The following CCDC158 variants were observed in gnomAD, a reference collection of about 807,000 sequenced individuals.
CCDC158 encodes the protein coiled-coil domain containing 158, also known as coiled-coil domain-containing protein 158.
CCDC158 carries 116 observed loss-of-function variants against 138.6 expected under a neutral mutation model. That is an observed-to-expected ratio of 0.84 (90% CI 0.72 to 0.98). The LOEUF is 0.98. CCDC158 is among the 50% of genes least tolerant of loss of function. CCDC158 has a pLI of 0.00. For missense variants in CCDC158, 1,265 were observed against 1,306.1 expected, an observed-to-expected ratio of 0.97 and a Z score of 0.48; for synonymous variants, 436 against 442.4, an observed-to-expected ratio of 0.99 and a Z score of 0.18.
Position 76,371,491 on chromosome 4 carries a change from T to A in CCDC158, c.1075A>T (p.Thr359Ser). ...TGATCACGCTCTGTCCGGGCTTCAG[T>A]TAGCTCTGAGTTGGCAAGGACTAAC... ...KQLVLANSEL[T>S]EARTERDQFS... The change falls in exon 10 of 25, where the codon ACT becomes TCT. Residue 359 changes from threonine (T) to serine (S), a missense_variant. Transcript: ENST00000682701. The A allele has an allele frequency of 6.2e-7, 1 of 1,614,176 alleles. No individual in the cohort carries two copies. The highest frequency in any genetic ancestry group is 8.5e-7 in the Non-Finnish European group (1 of 1,179,990).
At chr4:76,390,978 A>G (rs1417749154) in intron 4 of CCDC158, among the ~76,000 whole-genome samples, 2 of 152,080 alleles carry the variant, frequency 1.3e-5, no homozygotes, top group Admixed American at 6.5e-5. Context: ...ACCCAGATAT[A>G]TAAAGCAAAT....
chr4:76,361,083 T>A (rs899345626), intron 13 of CCDC158, among the ~76,000 whole-genome samples: 1 of 152,182 alleles, frequency 6.6e-6, no homozygotes, highest in Non-Finnish European at 1.5e-5. Context: ...GATCTGGTTG[T>A]TTCAAAGTGT....
At chr4:76,408,849 T>C (rs920916972) in intron 2 of CCDC158, among the ~76,000 whole-genome samples, 36 of 152,202 alleles carry the variant, frequency 2.4e-4, no homozygotes, top group Non-Finnish European at 2.2e-4. Flanking sequence ...CCAGCACCTG[T>C]TGTTTCCTGA....
intron 8 of CCDC158, among the ~76,000 whole-genome samples, chr4:76,381,008 T>G (rs1298492623): frequency 6.6e-6 from 1 of 152,216 alleles, no homozygotes; most frequent in East Asian, 1.9e-4. Context: ...AAGCAAGAGT[T>G]GAGGTTTGGA....
At chr4:76,408,262 G>A (rs1728996699) in intron 2 of CCDC158, among the ~76,000 whole-genome samples, 1 of 151,824 alleles carries the variant, frequency 6.6e-6, no homozygotes, top group Non-Finnish European at 1.5e-5. Context: ...ATGTACACAT[G>A]TGCTATGTTG....
chr4:76,347,665 C>A (rs531861021), intron 18 of CCDC158, among the ~76,000 whole-genome samples: 1 of 152,060 alleles, frequency 6.6e-6, no homozygotes, highest in East Asian at 1.9e-4. Flanking sequence ...ATGTAACAAA[C>A]CTGCACGTTC....
In CCDC158 at chr4:76,351,914, C is replaced by T. The variant is rs72862954; in HGVS notation, c.2446-102G>A. The T allele has an allele frequency of 5.8e-3, 4,018 of 691,362 alleles. 106 individuals carry two copies. In the African/African-American group the frequency reaches 0.06, roughly 10 times the overall value. 42.8% of individuals were successfully genotyped at this position (691,362 alleles called of 1,614,324 possible). A position where few individuals can be genotyped will look rare whatever the true frequency, so the allele number is the denominator to read the frequency against. Reference sequence around the variant, plus strand: ...GCTGCCATCTCTTCAAAAAATCTTCCTGCCCTTCTACCAAACTATATTACA... The same window carrying T: ...GCTGCCATCTCTTCAAAAAATCTTCTTGCCCTTCTACCAAACTATATTACA... On this transcript the variant is annotated intron_variant, in intron 16 of 24. Transcript: ENST00000682701.
rs571025726 is a variant in CCDC158, at chr4:76,376,418, CTTG to C, written c.1029+2869_1029+2871del. ...TGTATTATGTCCTTTGATATTTTTC[CTTG>C]TTGTTATTTGAATGGTATATACTGA... On this transcript the variant is annotated intron_variant, in intron 9 of 24. Coordinates refer to ENST00000682701, the MANE Select transcript of CCDC158 (RefSeq NM_001394954.1). Among the ~76,000 whole-genome samples, 421 of 152,060 alleles carry C rather than the reference CTTG, an allele frequency of 2.8e-3. 2 individuals carry two copies. Among genetic ancestry groups the C allele is most frequent in the African/African-American group, 9.2e-3 (382 of 41,464 alleles).
chr4:76,379,906 G>A (rs971270093), intron 8 of CCDC158, among the ~76,000 whole-genome samples: 1 of 152,058 alleles, frequency 6.6e-6, no homozygotes, highest in African/African-American at 2.4e-5. Flanking sequence ...TCTCATGATA[G>A]TGAGTTCTCA....
At chr4:76,413,294 T>G (rs13434626) in intron 1 of CCDC158, among the ~76,000 whole-genome samples, 4,416 of 151,712 alleles carry the variant, frequency 0.029, 211 homozygotes, top group African/African-American at 0.1. Context: ...GACAATATAG[T>G]GAGATCCCGT....
intron 14 of CCDC158, among the ~76,000 whole-genome samples, 153 bp from the exon 15 acceptor site, chr4:76,355,589 G>A (rs559398181): frequency 3.9e-5 from 6 of 152,170 alleles, no homozygotes; most frequent in Non-Finnish European, 7.3e-5. Flanking sequence ...AATGTCTTCG[G>A]TTTTTATAAT....
chr4:76,385,963 T>G (rs767773774), intron 4 of CCDC158, among the ~76,000 whole-genome samples: 3 of 152,224 alleles, frequency 2.0e-5, no homozygotes, highest in Non-Finnish European at 2.9e-5. Context: ...CACAGTATCT[T>G]CAAAAGATTG....
At chr4:76,331,488 G>A in intron 20 of CCDC158, 85 bp from the exon 21 acceptor site, 3 of 1,059,590 alleles carry the variant, frequency 2.8e-6, no homozygotes, top group Non-Finnish European at 4.4e-6. Flanking sequence ...GAAAAATAAT[G>A]TATTCTTATG....
At chr4:76,328,370 A>G (rs1720713703) in intron 22 of CCDC158, among the ~76,000 whole-genome samples, 1 of 152,246 alleles carries the variant, frequency 6.6e-6, no homozygotes, top group African/African-American at 2.4e-5. Context: ...GGGGTGACAC[A>G]GTATGTGAGA....
At chr4:76,380,565 A>G (rs1726136719) in intron 8 of CCDC158, among the ~76,000 whole-genome samples, 1 of 152,224 alleles carries the variant, frequency 6.6e-6, no homozygotes, top group Admixed American at 6.5e-5. Flanking sequence ...ATATATTTAC[A>G]AAGAGATGGT....
chr4:76,400,613 A>T (rs1311138662), intron 3 of CCDC158, among the ~76,000 whole-genome samples: 1 of 151,964 alleles, frequency 6.6e-6, no homozygotes, highest in Non-Finnish European at 1.5e-5. Flanking sequence ...CCCCCCAAAA[A>T]AAAGAATGGT....
rs77788163 is a variant in CCDC158, at chr4:76,369,411, T to G, written c.1347+15A>C. 2 of 1,612,514 alleles carry G rather than the reference T, an allele frequency of 1.2e-6. No individual in the cohort carries two copies. Among genetic ancestry groups the G allele is most frequent in the East Asian group, 4.5e-5 (2 of 44,866 alleles). ...GAGATTGTTTGGCGATGGCACAGCC[T>G]GTGCAGGCACTGACCTGCCGCTCCA... On this transcript the variant is annotated intron_variant, in intron 11 of 24. Transcript: ENST00000682701.
intron 21 of CCDC158, among the ~76,000 whole-genome samples, chr4:76,329,717 T>C (rs1365812763): frequency 3.3e-5 from 5 of 152,262 alleles, no homozygotes; most frequent in Non-Finnish European, 7.3e-5. Flanking sequence ...GAGAATATTA[T>C]GGCAGCAGTT....
At chr4:76,411,170 G>C (rs904673486) in intron 2 of CCDC158, among the ~76,000 whole-genome samples, 3 of 152,186 alleles carry the variant, frequency 2.0e-5, no homozygotes, top group Non-Finnish European at 4.4e-5. Flanking sequence ...GGGAAGCAAA[G>C]GTGGGCGGAT....
Sources: allele counts gnomAD v4.1 joint callset (sites outside exome capture counted in the v4.1 genomes callset), GRCh38; gene constraint gnomAD v4.1.1; transcripts MANE v1.5; gene names NCBI Gene and HGNC (gene_info 2026-07-23, HGNC 2026-07-21).